Variants in VAV3 observed in about 807,000 individuals in gnomAD.
VAV3 encodes the protein guanine nucleotide exchange factor VAV3.
VAV3 carries 94 observed loss-of-function variants against 131.2 expected under a neutral mutation model. That is an observed-to-expected ratio of 0.72 (90% CI 0.61 to 0.85). The LOEUF (loss-of-function observed/expected upper bound fraction) is 0.85, where lower values mean the gene tolerates loss of function less well. Among genes scored for constraint, VAV3 ranks in the 40% least tolerant of loss-of-function variants. The probability of loss-of-function intolerance (pLI) is 0.00; values close to 1 mark genes in which losing one functional copy is unlikely to be tolerated. For synonymous variants in VAV3, 349 were observed against 342.0 expected, an observed-to-expected ratio of 1.02 and a Z score of -0.22; for missense variants, 939 against 1,002.7, an observed-to-expected ratio of 0.94 and a Z score of 0.86.
chr1:107,618,037 T>C (rs1653296393), intron 20 of VAV3, among the ~76,000 whole-genome samples: 1 of 152,048 alleles, frequency 6.6e-6, no homozygotes, highest in Non-Finnish European at 1.5e-5. Context: ...TAGACTCTCA[T>C]AAAGGAAGTG....
intron 19 of VAV3, among the ~76,000 whole-genome samples, chr1:107,656,553 C>T (rs1260463820): frequency 6.6e-6 from 1 of 152,028 alleles, no homozygotes; most frequent in Middle Eastern, 3.2e-3. Context: ...AGTAGGGTGA[C>T]TACAGTTAAC....
intron 20 of VAV3, among the ~76,000 whole-genome samples, chr1:107,637,380 T>C (rs191383424): frequency 3.0e-3 from 457 of 152,276 alleles, no homozygotes; most frequent in Admixed American, 7.2e-3. Flanking sequence ...CCTAGCACTT[T>C]GGGAGGCTGA....
In VAV3 at chr1:107,900,949, C is replaced by T. The variant is rs546498605; in HGVS notation, c.205-25932G>A. Among the ~76,000 whole-genome samples, 4 of 152,204 alleles carry T rather than the reference C, an allele frequency of 2.6e-5. No individual in the cohort carries two copies. The East Asian group carries it at 5.8e-4, about 22-fold the overall frequency. ...GCATTTCCTTACCTTGTATATTTTA[C>T]GTAAATAAGATTTTTATAAAGAGAC... On this transcript the variant is annotated intron_variant, in intron 1 of 26. Coordinates refer to ENST00000370056, the MANE Select transcript of VAV3 (RefSeq NM_006113.5).
chr1:107,766,376 T>C, intron 8 of VAV3, 71 bp downstream of exon 8: 1 of 998,108 alleles, frequency 1.0e-6, no homozygotes, highest in Non-Finnish European at 1.5e-6. Context: ...AGCTATTTGT[T>C]AGCTATTTTA....
intron 19 of VAV3, among the ~76,000 whole-genome samples, chr1:107,652,985 T>A (rs964631045): frequency 6.6e-6 from 1 of 152,014 alleles, no homozygotes; most frequent in South Asian, 2.1e-4. Flanking sequence ...CCCAACTTTT[T>A]TATTTCCTAT....
chr1:107,644,188 T>G (rs1655560584), intron 19 of VAV3, among the ~76,000 whole-genome samples: 1 of 152,160 alleles, frequency 6.6e-6, no homozygotes, highest in Non-Finnish European at 1.5e-5. Flanking sequence ...GCCTTTAGTA[T>G]AGAGAGTTTA....
chr1:107,964,498 A>T, intron 1 of VAV3, 168 bp downstream of exon 1: 1 of 672,890 alleles, frequency 1.5e-6, no homozygotes, highest in Non-Finnish European at 2.4e-6. Flanking sequence ...AACCATTTCA[A>T]GCCAAGGTAG....
At chr1:107,796,790 TAAA>T (rs796941492) in intron 2 of VAV3, among the ~76,000 whole-genome samples, 4 of 132,250 alleles carry the variant, frequency 3.0e-5, no homozygotes, top group Non-Finnish European at 5.0e-5. Flanking sequence ...CTGTTATTTG[TAAA>T]AAAAAAAAAA....
intron 15 of VAV3, among the ~76,000 whole-genome samples, chr1:107,742,829 C>T (rs1031544192): frequency 7.2e-5 from 11 of 152,100 alleles, no homozygotes; most frequent in South Asian, 2.1e-4. Flanking sequence ...AAACAGGATG[C>T]TTGGATAATT....
At chr1:107,816,122 T>C (rs542175479) in intron 2 of VAV3, among the ~76,000 whole-genome samples, 15 of 152,266 alleles carry the variant, frequency 9.9e-5, no homozygotes, top group East Asian at 3.9e-4. Context: ...TAACAGGCCA[T>C]GGACCTGGTA....
At chr1:107,897,570 G>A (rs911459828) in intron 1 of VAV3, among the ~76,000 whole-genome samples, 4 of 151,992 alleles carry the variant, frequency 2.6e-5, no homozygotes, top group Admixed American at 6.6e-5. Flanking sequence ...AGTCAAGAAG[G>A]CTTTAGCCTC....
chr1:107,859,178 C>T (rs1669621396), intron 2 of VAV3, among the ~76,000 whole-genome samples: 1 of 151,848 alleles, frequency 6.6e-6, no homozygotes, highest in Non-Finnish European at 1.5e-5. Context: ...CCTTGACCTC[C>T]TCCCACCTCA....
At chr1:107,583,639 T>C (rs1650248422) in intron 25 of VAV3, among the ~76,000 whole-genome samples, 1 of 152,010 alleles carries the variant, frequency 6.6e-6, no homozygotes, top group African/African-American at 2.4e-5. Context: ...AAATCATGAG[T>C]GAACTCCCAT....
intron 1 of VAV3, among the ~76,000 whole-genome samples, chr1:107,881,245 A>T (rs1485842596): frequency 6.6e-6 from 1 of 152,240 alleles, no homozygotes; most frequent in Non-Finnish European, 1.5e-5. Flanking sequence ...GGATAGTAGA[A>T]GGAGAGATGG....
chr1:107,936,117 G>A (rs1673700215), intron 1 of VAV3, among the ~76,000 whole-genome samples: 1 of 152,188 alleles, frequency 6.6e-6, no homozygotes, highest in Non-Finnish European at 1.5e-5. Context: ...TGTGAATTGA[G>A]AAGGGAGAGG....
rs894726212 is a variant in VAV3 at position 107,732,289 on chromosome 1, C to A, written c.1502+16679G>T. Among the ~76,000 whole-genome samples, 22 of 152,324 alleles carry A rather than the reference C, an allele frequency of 1.4e-4. 1 individual carries two copies. In the South Asian group the frequency reaches 3.5e-3, roughly 24 times the overall value. Reference sequence around the variant, plus strand: ...AACAGCTCCGGTCTGCAGCTCCCAGCGTGACTGACGCAGAAGACGGGTGAT... The same window carrying A: ...AACAGCTCCGGTCTGCAGCTCCCAGAGTGACTGACGCAGAAGACGGGTGAT... On this transcript the variant is annotated intron_variant, in intron 15 of 26. Transcript: ENST00000370056.
chr1:107,746,290 C>T (rs1663339558), intron 15 of VAV3, among the ~76,000 whole-genome samples: 1 of 152,054 alleles, frequency 6.6e-6, no homozygotes, highest in Non-Finnish European at 1.5e-5. Context: ...ATAATATAAC[C>T]CTTATTTATA....
At chr1:107,814,047 T>C (rs1256337902) in intron 2 of VAV3, among the ~76,000 whole-genome samples, 1 of 151,754 alleles carries the variant, frequency 6.6e-6, no homozygotes, top group African/African-American at 2.4e-5. Flanking sequence ...CCCATTTATC[T>C]GTTGACAGGT....
At chr1:107,734,492 CA>C (rs1662463676) in intron 15 of VAV3, among the ~76,000 whole-genome samples, 1 of 151,988 alleles carries the variant, frequency 6.6e-6, no homozygotes, top group South Asian at 2.1e-4. Context: ...CACACAGGCT[CA>C]AAATAAAGGG....
Sources: gnomAD v4.1 joint callset for allele counts (sites outside exome capture counted in the v4.1 genomes callset) on GRCh38, gnomAD v4.1.1 for gene constraint, MANE v1.5 for transcripts, NCBI Gene and HGNC (gene_info 2026-07-23, HGNC 2026-07-21) for gene names.